Variants in CACNG3 observed in about 807,000 individuals in gnomAD.
CACNG3 encodes the protein calcium voltage-gated channel auxiliary subunit gamma 3, also known as voltage-dependent calcium channel gamma-3 subunit.
CACNG3 carries 3 observed loss-of-function variants against 28.5 expected under a neutral mutation model. The ratio of observed to expected loss-of-function variants is 0.11; its 90% CI spans 0.05 to 0.27. CACNG3 has a LOEUF of 0.27. Ranked by LOEUF, CACNG3 falls within the 10% of genes least tolerant of loss-of-function variation. CACNG3 has a pLI of 1.00. For synonymous variants in CACNG3, 174 were observed against 162.2 expected, an observed-to-expected ratio of 1.07 and a Z score of -0.55; for missense variants, 236 against 414.4, an observed-to-expected ratio of 0.57 and a Z score of 3.74.
intron 1 of CACNG3, among the ~76,000 whole-genome samples, chr16:24,263,617 G>C (rs895361099): frequency 6.6e-6 from 1 of 152,038 alleles, no homozygotes; most frequent in Non-Finnish European, 1.5e-5. Context: ...GTGGACCTGG[G>C]GGCTTATGTG....
intron 1 of CACNG3, among the ~76,000 whole-genome samples, chr16:24,324,187 T>TA (rs909920549): frequency 1.3e-5 from 2 of 152,170 alleles, no homozygotes; most frequent in East Asian, 3.8e-4. Flanking sequence ...TCAATAAAGG[T>TA]AAAGGTCCCA....
At chr16:24,306,600 T>C (rs1323896603) in intron 1 of CACNG3, among the ~76,000 whole-genome samples, 2 of 152,102 alleles carry the variant, frequency 1.3e-5, no homozygotes, top group African/African-American at 2.4e-5. Flanking sequence ...AAAAGAAGCC[T>C]TCATGGACAC....
intron 1 of CACNG3, among the ~76,000 whole-genome samples, chr16:24,285,277 A>G (rs1388577120): frequency 1.3e-5 from 2 of 152,204 alleles, no homozygotes; most frequent in African/African-American, 2.4e-5. Flanking sequence ...AAGGTTACCA[A>G]AACCATTTTT....
At chr16:24,268,473 T>A (rs1898643543) in intron 1 of CACNG3, among the ~76,000 whole-genome samples, 1 of 152,292 alleles carries the variant, frequency 6.6e-6, no homozygotes, top group Non-Finnish European at 1.5e-5. Flanking sequence ...TCAGCATCAG[T>A]CAGAGGCTCT....
intron 1 of CACNG3, among the ~76,000 whole-genome samples, chr16:24,332,464 CA>C (rs397955620): frequency 9.4e-4 from 127 of 135,396 alleles, no homozygotes; most frequent in Admixed American, 1.6e-3. Context: ...GACCCTGTCT[CA>C]AAAAAAAAAA....
At chr16:24,272,385 TC>T (rs972685032) in intron 1 of CACNG3, among the ~76,000 whole-genome samples, 1 of 152,216 alleles carries the variant, frequency 6.6e-6, no homozygotes, top group Non-Finnish European at 1.5e-5. Context: ...CTTTTTTTTT[TC>T]CTCTACCAAA....
At chr16:24,282,605 G>A (rs1898844401) in intron 1 of CACNG3, among the ~76,000 whole-genome samples, 1 of 152,002 alleles carries the variant, frequency 6.6e-6, no homozygotes, top group Non-Finnish European at 1.5e-5. Flanking sequence ...ATTGTTATAG[G>A]TGGACATGAG....
At chr16:24,285,426 A>C (rs1898880062) in intron 1 of CACNG3, among the ~76,000 whole-genome samples, 1 of 152,100 alleles carries the variant, frequency 6.6e-6, no homozygotes, top group Non-Finnish European at 1.5e-5. Flanking sequence ...CCCTGCCCCA[A>C]CTCATCCCCT....
intron 1 of CACNG3, among the ~76,000 whole-genome samples, chr16:24,297,735 G>T (rs1041079589): frequency 6.6e-6 from 1 of 152,156 alleles, no homozygotes; most frequent in Non-Finnish European, 1.5e-5. Flanking sequence ...GGATGGGGAG[G>T]GGGTGCTGTG....
At chr16:24,279,291 A>C (rs1386782605) in intron 1 of CACNG3, among the ~76,000 whole-genome samples, 1 of 151,988 alleles carries the variant, frequency 6.6e-6, no homozygotes, top group Non-Finnish European at 1.5e-5. Flanking sequence ...GAAAAGGAAT[A>C]GTTTTATTTT....
At chr16:24,331,841 C>T (rs1316738660) in intron 1 of CACNG3, among the ~76,000 whole-genome samples, 1 of 152,158 alleles carries the variant, frequency 6.6e-6, no homozygotes, top group Non-Finnish European at 1.5e-5. Flanking sequence ...GAAGGCTCTT[C>T]CCTCAAATCT....
chr16:24,337,481 G>A (rs1389107048), intron 1 of CACNG3, among the ~76,000 whole-genome samples: 1 of 151,912 alleles, frequency 6.6e-6, no homozygotes, highest in East Asian at 1.9e-4. Flanking sequence ...TACCTGGGAA[G>A]CACCACTTTC....
intron 1 of CACNG3, among the ~76,000 whole-genome samples, chr16:24,300,734 G>A (rs1899097414): frequency 6.6e-6 from 1 of 151,626 alleles, no homozygotes; most frequent in African/African-American, 2.4e-5. Context: ...TGGCCAACAT[G>A]GCAAAACCCC....
chr16:24,307,640 C>A (rs1184455622), intron 1 of CACNG3, among the ~76,000 whole-genome samples: 4 of 152,170 alleles, frequency 2.6e-5, no homozygotes, highest in Non-Finnish European at 5.9e-5. Flanking sequence ...ACAACAGTCA[C>A]CCACACACTA....
chr16:24,356,757 G>A (rs772783543), intron 3 of CACNG3, among the ~76,000 whole-genome samples: 1 of 152,120 alleles, frequency 6.6e-6, no homozygotes. Flanking sequence ...TTGCTGGAAG[G>A]AGACTGTATT....
intron 1 of CACNG3, among the ~76,000 whole-genome samples, chr16:24,341,380 C>T (rs527415453): frequency 1.3e-5 from 2 of 152,310 alleles, no homozygotes; most frequent in South Asian, 4.1e-4. Context: ...CTTAAAATCT[C>T]ACCATGGCGC....
intron 1 of CACNG3, among the ~76,000 whole-genome samples, chr16:24,311,181 T>C (rs909155287): frequency 6.6e-6 from 1 of 152,202 alleles, no homozygotes; most frequent in South Asian, 2.1e-4. Flanking sequence ...AGTGTTAATA[T>C]CCCATGGGGT....
At chr16:24,335,933 A>C (rs992013490) in intron 1 of CACNG3, among the ~76,000 whole-genome samples, 3 of 62,592 alleles carry the variant, frequency 4.8e-5, no homozygotes, top group Non-Finnish European at 1.0e-4. Flanking sequence ...AAAAATAAAA[A>C]ACAAAAAAAA....
chr16:24,301,461 C>T (rs530829583), intron 1 of CACNG3, among the ~76,000 whole-genome samples: 2 of 152,166 alleles, frequency 1.3e-5, no homozygotes, highest in African/African-American at 4.8e-5. Flanking sequence ...ACTCAGTCAA[C>T]TTGTCTATGA....
Sources: allele counts gnomAD v4.1 joint callset (sites outside exome capture counted in the v4.1 genomes callset), GRCh38; gene constraint gnomAD v4.1.1; transcripts MANE v1.5; gene names NCBI Gene and HGNC (gene_info 2026-07-23, HGNC 2026-07-21).